The following FAM78B variants were observed in gnomAD, a reference collection of about 807,000 sequenced individuals.
FAM78B encodes protein FAM78B.
Under a neutral mutation model 20.0 loss-of-function variants are expected in FAM78B, and 10 were observed. The ratio of observed to expected loss-of-function variants is 0.50; its 90% CI spans 0.31 to 0.85. The LOEUF (loss-of-function observed/expected upper bound fraction) is 0.85. FAM78B is among the 40% of genes least tolerant of loss of function. FAM78B has a pLI of 0.05. For synonymous variants in FAM78B, 135 were observed against 132.8 expected (o/e 1.02, Z -0.12); for missense variants, 283 against 345.0 (o/e 0.82, Z 1.42).
chr1:166,146,464 C>T (rs1371818687), intron 1 of FAM78B, among the ~76,000 whole-genome samples: 2 of 152,102 alleles, frequency 1.3e-5, no homozygotes, highest in Non-Finnish European at 2.9e-5. Flanking sequence ...ATGATGCAGT[C>T]CTACGGAAAT....
intron 1 of FAM78B, among the ~76,000 whole-genome samples, chr1:166,115,315 T>C (rs1253359314): frequency 6.6e-6 from 1 of 152,218 alleles, no homozygotes; most frequent in Non-Finnish European, 1.5e-5. Context: ...ACATTGTCAT[T>C]TTAAGCAAAC....
At chr1:166,130,472 G>A (rs1654831803) in intron 1 of FAM78B, among the ~76,000 whole-genome samples, 1 of 152,096 alleles carries the variant, frequency 6.6e-6, no homozygotes, top group Non-Finnish European at 1.5e-5. Flanking sequence ...TCTCAACTGG[G>A]GACAATTCTG....
At chr1:166,111,502 C>A (rs189693797) in intron 1 of FAM78B, among the ~76,000 whole-genome samples, 2 of 152,192 alleles carry the variant, frequency 1.3e-5, no homozygotes, top group African/African-American at 4.8e-5. Context: ...GACTGTGATT[C>A]GCAGACAGTG....
rs73041230 is a variant in FAM78B at position 166,103,450 on chromosome 1, C to T, written c.264-32687G>A. Among the ~76,000 whole-genome samples the T allele has an allele frequency of 1.7e-3, 256 of 152,030 alleles. 1 individual carries two copies. Among genetic ancestry groups the T allele is most frequent in the African/African-American group, 5.4e-3 (222 of 41,470 alleles). ...TGAAAAGATCAACAAAATTAATAGA[C>T]GTTAGCAAGACTAATAAAGAAGAAG... On this transcript the variant is annotated intron_variant, in intron 1 of 1. Transcript: ENST00000354422.
rs912472269 is a variant in FAM78B at position 166,082,828 on chromosome 1, G to A, written c.264-12065C>T. ...TAGGGGAGAGTCCCACGTGACAGCC[G>A]AAGGGATGGGAAGGGACTGAATGCA... On this transcript the variant is annotated intron_variant, in intron 1 of 1. Coordinates refer to ENST00000354422, the MANE Select transcript of FAM78B (RefSeq NM_001017961.5). The A allele has an allele frequency of 5.9e-5, 9 of 152,446 alleles. No homozygotes were observed. In the East Asian group the frequency reaches 1.5e-3, roughly 26 times the overall value. The allele number at this position is 152,446 out of a possible 1,614,324, so 9.4% of individuals were successfully genotyped here. A position where few individuals can be genotyped will look rare whatever the true frequency, so the allele number is the denominator to read the frequency against.
intron 1 of FAM78B, among the ~76,000 whole-genome samples, chr1:166,111,970 A>C (rs1654073095): frequency 2.0e-5 from 3 of 152,180 alleles, no homozygotes; most frequent in Admixed American, 2.0e-4. Flanking sequence ...TGTGTGATCC[A>C]GGCTCTCGAA....
intron 1 of FAM78B, among the ~76,000 whole-genome samples, chr1:166,117,398 T>G (rs1443446029): frequency 6.6e-6 from 1 of 152,108 alleles, no homozygotes; most frequent in Non-Finnish European, 1.5e-5. Flanking sequence ...GGGATGAGTA[T>G]CAGTTGTGAG....
At chr1:166,149,115 G>A (rs551072362) in intron 1 of FAM78B, among the ~76,000 whole-genome samples, 5 of 152,274 alleles carry the variant, frequency 3.3e-5, no homozygotes, top group African/African-American at 1.2e-4. Context: ...ACGTGTGCAT[G>A]TGTCTTTATA....
At chr1:166,101,240 GA>G (rs1464711475) in intron 1 of FAM78B, among the ~76,000 whole-genome samples, 1 of 152,100 alleles carries the variant, frequency 6.6e-6, no homozygotes, top group Non-Finnish European at 1.5e-5. Context: ...CAAAGATGGG[GA>G]AAAAACAGAG....
intron 1 of FAM78B, among the ~76,000 whole-genome samples, chr1:166,095,644 C>T (rs1653247864): frequency 6.6e-6 from 1 of 152,190 alleles, no homozygotes; most frequent in African/African-American, 2.4e-5. Context: ...CAGGCCTCCT[C>T]AGAGTCCCCT....
chr1:166,070,264 G>C lies in FAM78B; in HGVS notation c.763C>G (p.Leu255Val). Residue 255 changes from leucine (L) to valine (V), a missense_variant, in exon 2 of 2, where the codon CTG becomes GTG. Leu to Val is a conservative substitution (Grantham distance 32, BLOSUM62 1). Transcript: ENST00000354422. ...LMWRPKRGPP[L>V]VVIPPK ...TTCTACTTAGGAGGGATCACAACCA[G>C]AGGTGGCCCCCGCTTGGGCCTCCAC... 1 of 1,552,022 alleles carries C rather than the reference G, an allele frequency of 6.4e-7. No individual in the cohort carries two copies. Among genetic ancestry groups the C allele is most frequent in the Non-Finnish European group, 8.7e-7 (1 of 1,147,730 alleles).
At chr1:166,109,890 G>GTATGTATATATATATATATATA (rs1433152486) in intron 1 of FAM78B, among the ~76,000 whole-genome samples, 2 of 23,192 alleles carry the variant, frequency 8.6e-5, no homozygotes, top group Non-Finnish European at 2.3e-4. Flanking sequence ...ATGTATATAT[G>GTATGTATATATATATATATATA]TATATATATA....
At chr1:166,130,742 T>C (rs766447596) in intron 1 of FAM78B, among the ~76,000 whole-genome samples, 47 of 152,188 alleles carry the variant, frequency 3.1e-4, no homozygotes, top group Admixed American at 8.5e-4. Flanking sequence ...GTGAGGTGGA[T>C]TGCCCAAGAT....
At chr1:166,128,416 T>C (rs1034714005) in intron 1 of FAM78B, among the ~76,000 whole-genome samples, 1 of 152,234 alleles carries the variant, frequency 6.6e-6, no homozygotes, top group African/African-American at 2.4e-5. Context: ...ACCTGGGGTC[T>C]GGTCCTTGCA....
At chr1:166,077,849 TAATA>T (rs1269177529) in intron 1 of FAM78B, among the ~76,000 whole-genome samples, 1 of 120,400 alleles carries the variant, frequency 8.3e-6, no homozygotes, top group Non-Finnish European at 1.6e-5. Flanking sequence ...ATATATATAA[TAATA>T]TATATAATTT....
At chr1:166,154,295 G>A (rs77470139) in intron 1 of FAM78B, among the ~76,000 whole-genome samples, 3,613 of 152,316 alleles carry the variant, frequency 0.024, 162 homozygotes, top group African/African-American at 0.083. Flanking sequence ...GGGTATTGAG[G>A]GGTGGAAGAA....
At chr1:166,164,411 A>C (rs1161208470) in intron 1 of FAM78B, among the ~76,000 whole-genome samples, 1 of 152,254 alleles carries the variant, frequency 6.6e-6, no homozygotes, top group Non-Finnish European at 1.5e-5. Flanking sequence ...TTCACATATA[A>C]TCATTCTTTT....
At chr1:166,087,678 T>C (rs2101732338) in intron 1 of FAM78B, among the ~76,000 whole-genome samples, 1 of 152,348 alleles carries the variant, frequency 6.6e-6, no homozygotes. Context: ...AGCTTGTAAG[T>C]GGCAGAGCTG....
intron 1 of FAM78B, among the ~76,000 whole-genome samples, chr1:166,124,233 C>A (rs1448465093): frequency 2.0e-5 from 3 of 152,222 alleles, no homozygotes; most frequent in Admixed American, 2.0e-4. Flanking sequence ...ATGCAGTCAT[C>A]CTTCCACATT....
Sources: allele counts gnomAD v4.1 joint callset (sites outside exome capture counted in the v4.1 genomes callset), GRCh38; gene constraint gnomAD v4.1.1; transcripts MANE v1.5; gene names NCBI Gene and HGNC (gene_info 2026-07-23, HGNC 2026-07-21).